AP4E1: variants seen among roughly 807,000 people sequenced by gnomAD.
The protein encoded by AP4E1 is AP-4 complex subunit epsilon-1.
A neutral mutation model predicts 128.2 loss-of-function variants in AP4E1; 56 were observed. The observed-to-expected ratio is 0.44, with a 90% CI of 0.35 to 0.55. The LOEUF (loss-of-function observed/expected upper bound fraction) is 0.55, where lower values mean the gene tolerates loss of function less well. Among genes scored for constraint, AP4E1 ranks in the 20% least tolerant of loss-of-function variants. The pLI is 0.00. For missense variants in AP4E1, 1,324 were observed against 1,307.7 expected (o/e 1.01, Z -0.19); for synonymous variants, 484 against 473.1 (o/e 1.02, Z -0.30).
Position 50,908,723 on chromosome 15 carries a change from G to T in AP4E1, c.-56G>T. 1.4e-6 allele frequency: 2 copies of T among 1,450,848 alleles called. No homozygotes were observed. The highest frequency in any genetic ancestry group is 1.8e-6 in the Non-Finnish European group (2 of 1,104,816). The allele number at this position is 1,450,848 out of a possible 1,614,324, so 89.9% of individuals were successfully genotyped here. A position where few individuals can be genotyped will look rare whatever the true frequency, so the allele number is the denominator to read the frequency against. ...CGGGCCGGCAGCGGCGGCCGGGCAT[G>T]AAGCCGGGCGGCTACGGGATCGCGG... is the stretch of plus-strand genomic sequence containing the variant. On this transcript the variant is annotated 5_prime_UTR_variant, in exon 1 of 21. An upstream start codon of the reference 5' UTR is lost. Coordinates refer to ENST00000261842, the MANE Select transcript of AP4E1 (RefSeq NM_007347.5).
intron 13 of AP4E1, among the ~76,000 whole-genome samples, chr15:50,953,149 A>T (rs376399268): frequency 6.6e-6 from 1 of 152,232 alleles, no homozygotes; most frequent in Non-Finnish European, 1.5e-5. Flanking sequence ...AGGTGATTCT[A>T]TGAGGCTGTG....
At chr15:50,931,038 C>A in intron 7 of AP4E1, 67 bp downstream of exon 7, 2 of 1,569,810 alleles carry the variant, frequency 1.3e-6, no homozygotes, top group Non-Finnish European at 1.8e-6. Flanking sequence ...ACTTTAGTAA[C>A]CTAGAGGTTT....
At chr15:50,915,723 A>C (rs1190643534) in intron 3 of AP4E1, 152 bp downstream of exon 3, 1 of 927,112 alleles carries the variant, frequency 1.1e-6, no homozygotes, top group Non-Finnish European at 1.6e-6. Flanking sequence ...AGAAAGTCAA[A>C]GCCATTTATA....
intron 17 of AP4E1, among the ~76,000 whole-genome samples, chr15:50,994,770 G>T (rs2064847440): frequency 6.6e-6 from 1 of 152,146 alleles, no homozygotes; most frequent in African/African-American, 2.4e-5. Flanking sequence ...TGCTGGTATA[G>T]AAGTATTCCT....
At chr15:50,910,772 C>T (rs1465625603) in intron 1 of AP4E1, among the ~76,000 whole-genome samples, 2 of 152,230 alleles carry the variant, frequency 1.3e-5, no homozygotes, top group Non-Finnish European at 2.9e-5. Flanking sequence ...TCTTCTGCCT[C>T]AGCCTCCCTG....
intron 14 of AP4E1, among the ~76,000 whole-genome samples, chr15:50,962,314 A>G (rs1439347022): frequency 6.6e-6 from 1 of 152,070 alleles, no homozygotes; most frequent in African/African-American, 2.4e-5. Flanking sequence ...AATACTAAGC[A>G]AAAAGAACAA....
At chr15:50,920,792 G>A (rs1456523414) in intron 3 of AP4E1, among the ~76,000 whole-genome samples, 4 of 152,128 alleles carry the variant, frequency 2.6e-5, no homozygotes, top group Non-Finnish European at 4.4e-5. Flanking sequence ...GATGCAGAAT[G>A]TCTTTTTATT....
chr15:50,937,004 G>C (rs2063916885), intron 8 of AP4E1, among the ~76,000 whole-genome samples: 1 of 151,680 alleles, frequency 6.6e-6, no homozygotes, highest in Non-Finnish European at 1.5e-5. Context: ...TCTTGGTCCA[G>C]TGTTTCACCT....
intron 14 of AP4E1, among the ~76,000 whole-genome samples, chr15:50,961,791 C>A (rs1267194072): frequency 6.6e-6 from 1 of 151,704 alleles, no homozygotes; most frequent in Non-Finnish European, 1.5e-5. Flanking sequence ...GGGATCTAAA[C>A]TGGAAAAGAG....
chr15:50,948,295 C>T (rs747908384), intron 11 of AP4E1, 136 bp downstream of exon 11: 117 of 1,050,750 alleles, frequency 1.1e-4, no homozygotes, highest in Non-Finnish European at 1.6e-4. Context: ...TTTCAAGCCT[C>T]TCTTGTCAGA....
At chr15:50,946,024 T>A in intron 10 of AP4E1, 1 of 860,546 alleles carries the variant, frequency 1.2e-6, no homozygotes. Context: ...AATCCTGATG[T>A]ACAATTATTT....
chr15:50,908,472 C>T, upstream of AP4E1: 1 of 293,618 alleles, frequency 3.4e-6, no homozygotes. Flanking sequence ...GCCAGGCCCC[C>T]GACGGCTTCC....
chr15:50,918,452 T>A (rs116141297), intron 3 of AP4E1, among the ~76,000 whole-genome samples: 258 of 152,338 alleles, frequency 1.7e-3, no homozygotes, highest in African/African-American at 5.6e-3. Flanking sequence ...CAGTAGATAG[T>A]TATTAAATAT....
At chr15:50,920,540 G>GAGACTAC (rs1362821625) in intron 3 of AP4E1, among the ~76,000 whole-genome samples, 1 of 151,306 alleles carries the variant, frequency 6.6e-6, no homozygotes, top group Non-Finnish European at 1.5e-5. Flanking sequence ...TCGAGTAGCT[G>GAGACTAC]AGACTACAGG....
chr15:50,991,540 T>C (rs1022168242), intron 16 of AP4E1, among the ~76,000 whole-genome samples: 16 of 152,024 alleles, frequency 1.1e-4, no homozygotes, highest in Non-Finnish European at 1.8e-4. Flanking sequence ...AGGTTTATTA[T>C]ATAACTTTTT....
chr15:50,948,712 C>G (rs1029397077), intron 11 of AP4E1, among the ~76,000 whole-genome samples: 16 of 152,180 alleles, frequency 1.1e-4, no homozygotes, highest in African/African-American at 3.9e-4. Flanking sequence ...GTGGCTCATG[C>G]CTGTAATCCC....
chr15:50,913,185 G>T (rs1177862420), intron 2 of AP4E1, among the ~76,000 whole-genome samples: 2 of 152,080 alleles, frequency 1.3e-5, no homozygotes, highest in East Asian at 3.8e-4. Flanking sequence ...CATAATAATA[G>T]TATGTGGCAA....
chr15:50,936,145 T>C (rs1262660268), intron 8 of AP4E1, among the ~76,000 whole-genome samples: 1 of 152,068 alleles, frequency 6.6e-6, no homozygotes, highest in Non-Finnish European at 1.5e-5. Flanking sequence ...ACAGTTGATA[T>C]TATATAGGTT....
intron 16 of AP4E1, among the ~76,000 whole-genome samples, chr15:50,988,793 G>A (rs148193552): frequency 3.0e-4 from 45 of 152,136 alleles, no homozygotes; most frequent in African/African-American, 1.1e-3. Flanking sequence ...TGTAAGTCAG[G>A]GACCATCCGT....
Sources: gnomAD v4.1 joint callset for allele counts (sites outside exome capture counted in the v4.1 genomes callset) on GRCh38, gnomAD v4.1.1 for gene constraint, MANE v1.5 for transcripts, NCBI Gene and HGNC (gene_info 2026-07-23, HGNC 2026-07-21) for gene names.